CCN4: variants seen among roughly 807,000 people sequenced by gnomAD.
CCN4 encodes the protein CCN family member 4.
A neutral mutation model predicts 36.7 loss-of-function variants in CCN4; 30 were observed. The ratio of observed to expected loss-of-function variants is 0.82; its 90% CI spans 0.61 to 1.11. The LOEUF is 1.11. CCN4 is among the 50% of genes least tolerant of loss of function. The pLI is 0.00. For missense variants in CCN4, 505 were observed against 504.9 expected (o/e 1.00, Z 0.00); for synonymous variants, 191 against 195.4 (o/e 0.98, Z 0.19).
At chr8:133,215,945 A>G (rs1480338174) in intron 2 of CCN4, among the ~76,000 whole-genome samples, 2 of 151,972 alleles carry the variant, frequency 1.3e-5, no homozygotes, top group Admixed American at 6.6e-5. Flanking sequence ...TTAATACTAA[A>G]TTTTTTCAGT....
chr8:133,205,703 G>A (rs1853746269), intron 1 of CCN4, among the ~76,000 whole-genome samples: 1 of 152,142 alleles, frequency 6.6e-6, no homozygotes, highest in Non-Finnish European at 1.5e-5. Context: ...AACCTCAGAG[G>A]GTCCCAGGGG....
intron 3 of CCN4, among the ~76,000 whole-genome samples, chr8:133,221,450 G>A (rs546053803): frequency 1.3e-5 from 2 of 152,180 alleles, no homozygotes; most frequent in South Asian, 4.2e-4. Flanking sequence ...ATGGGCGGGT[G>A]GATGGATGGA....
chr8:133,194,379 G>C (rs1853240000), intron 1 of CCN4, among the ~76,000 whole-genome samples: 1 of 118,358 alleles, frequency 8.4e-6, no homozygotes, highest in Non-Finnish European at 1.8e-5. Context: ...TGTGTGTGGG[G>C]TGTGTGTGTG....
Position 133,224,229 on chromosome 8 carries a change from C to CTTT in CCN4, c.611-1134_611-1132dup, listed in dbSNP as rs59929763. ...GATTTGAATTTGAAGCCCGTAAGTC[C>CTTT]TTTTTTTTTTTTTTTTTTTTTTTTT... On this transcript the variant is annotated intron_variant, in intron 3 of 4. Coordinates refer to ENST00000250160, the MANE Select transcript of CCN4 (RefSeq NM_003882.4). 6.3e-4 allele frequency among the ~76,000 whole-genome samples: 56 copies of CTTT among 88,514 alleles called. 18 individuals are homozygous for CTTT. Among genetic ancestry groups the CTTT allele is most frequent in the Admixed American group, 3.8e-3 (26 of 6,880 alleles). The allele number at this position is 88,514 out of a possible 152,430, so 58.1% of individuals were successfully genotyped here. A position where few individuals can be genotyped will look rare whatever the true frequency, so the allele number is the denominator to read the frequency against.
At chr8:133,225,348 T>G in intron 3 of CCN4, 42 bp from the exon 4 acceptor site, 1 of 1,529,224 alleles carries the variant, frequency 6.5e-7, no homozygotes, top group Non-Finnish European at 8.8e-7. Context: ...TGGGGGCTGG[T>G]GGGAGCTGTA....
intron 4 of CCN4, 35 bp downstream of exon 4, chr8:133,225,618 A>C: frequency 6.7e-7 from 1 of 1,501,526 alleles, no homozygotes; most frequent in East Asian, 2.4e-5. Flanking sequence ...TCTAGACTTC[A>C]CAAGCAGACA....
chr8:133,224,816 C>A (rs1371692786), intron 3 of CCN4, among the ~76,000 whole-genome samples: 1 of 151,944 alleles, frequency 6.6e-6, no homozygotes, highest in Non-Finnish European at 1.5e-5. Context: ...TGCCTGTAAT[C>A]TCAGCTACTT....
At chr8:133,208,345 GA>G (rs1169648636) in intron 1 of CCN4, among the ~76,000 whole-genome samples, 2 of 152,140 alleles carry the variant, frequency 1.3e-5, no homozygotes, top group Non-Finnish European at 2.9e-5. Flanking sequence ...TTTTACAGAG[GA>G]GAAGACAGGC....
intron 2 of CCN4, among the ~76,000 whole-genome samples, chr8:133,217,622 C>T (rs1348255912): frequency 2.6e-5 from 4 of 152,126 alleles, no homozygotes; most frequent in South Asian, 2.1e-4. Flanking sequence ...CACCCAAAGC[C>T]CCAAGGAGAG....
At chr8:133,204,920 A>G (rs1853714096) in intron 1 of CCN4, among the ~76,000 whole-genome samples, 1 of 152,242 alleles carries the variant, frequency 6.6e-6, no homozygotes, top group Non-Finnish European at 1.5e-5. Context: ...ATTCAGAACC[A>G]CCTGGAAAAA....
At position 133,231,457 on chromosome 8, in the gene CCN4, T is replaced by C. The variant is rs1221293334; in HGVS notation, c.*3747T>C. On this transcript the variant is annotated 3_prime_UTR_variant, in exon 5 of 5. Transcript: ENST00000250160. ...TAGAGGAAAAATAACACTTGGGCAA[T>C]CTGTCATGTTTCACAACAGTTCTCA... 6.6e-6 allele frequency: 1 copy of C among 152,218 alleles called. No homozygotes were observed. Among genetic ancestry groups the C allele is most frequent in the East Asian group, 1.9e-4 (1 of 5,204 alleles). 9.4% of individuals were successfully genotyped at this position (152,218 alleles called of 1,614,324 possible). A position where few individuals can be genotyped will look rare whatever the true frequency, so the allele number is the denominator to read the frequency against.
chr8:133,218,749 C>G (rs982139291), intron 2 of CCN4, among the ~76,000 whole-genome samples: 2 of 152,122 alleles, frequency 1.3e-5, no homozygotes, highest in African/African-American at 4.8e-5. Context: ...CCAGAGAGAG[C>G]ATGGTATCAA....
intron 1 of CCN4, among the ~76,000 whole-genome samples, chr8:133,208,937 TG>T (rs1425732669): frequency 6.6e-6 from 1 of 152,214 alleles, no homozygotes; most frequent in African/African-American, 2.4e-5. Flanking sequence ...TGGATGCCAT[TG>T]TTATAGCATT....
chr8:133,227,199 A>G (rs1854767652), intron 4 of CCN4, among the ~76,000 whole-genome samples: 1 of 151,454 alleles, frequency 6.6e-6, no homozygotes, highest in Non-Finnish European at 1.5e-5. Context: ...CAAACAAAAC[A>G]TTTTTCTCTG....
At chr8:133,226,778 A>G (rs7006853) in intron 4 of CCN4, among the ~76,000 whole-genome samples, 11,739 of 152,186 alleles carry the variant, frequency 0.077, 953 homozygotes, top group African/African-American at 0.2. Context: ...CTAGCATACT[A>G]TTTACACAGT....
intron 2 of CCN4, among the ~76,000 whole-genome samples, chr8:133,218,676 T>C (rs1482959550): frequency 6.6e-6 from 1 of 152,148 alleles, no homozygotes; most frequent in Non-Finnish European, 1.5e-5. Context: ...TCCAAACTGC[T>C]TCTCCTTGGG....
intron 1 of CCN4, among the ~76,000 whole-genome samples, chr8:133,195,244 GT>G (rs1214663443): frequency 6.7e-6 from 1 of 149,590 alleles, no homozygotes; most frequent in Non-Finnish European, 1.5e-5. Context: ...TCTGTTGAGT[GT>G]ATATGTGGTG....
chr8:133,217,960 A>ACACACACACACACACACACC (rs1204772421), intron 2 of CCN4, among the ~76,000 whole-genome samples: 1 of 150,954 alleles, frequency 6.6e-6, no homozygotes, highest in Non-Finnish European at 1.5e-5. Context: ...ACACACACAC[A>ACACACACACACACACACACC]CTCTTCCTGG....
At chr8:133,194,816 G>T (rs992329570) in intron 1 of CCN4, among the ~76,000 whole-genome samples, 1 of 142,788 alleles carries the variant, frequency 7.0e-6, no homozygotes, top group Admixed American at 7.0e-5. Flanking sequence ...ATTGTGTGTG[G>T]TGTGTGTGGT....
Sources: gnomAD v4.1 joint callset for allele counts (sites outside exome capture counted in the v4.1 genomes callset) on GRCh38, gnomAD v4.1.1 for gene constraint, MANE v1.5 for transcripts, NCBI Gene and HGNC (gene_info 2026-07-23, HGNC 2026-07-21) for gene names.